Variants in ELAPOR2 observed in about 807,000 individuals in gnomAD.
The protein encoded by ELAPOR2 is endosome-lysosome associated apoptosis and autophagy regulator family member 2, also known as endosome/lysosome-associated apoptosis and autophagy regulator family member 2.
Under a neutral mutation model 120.7 loss-of-function variants are expected in ELAPOR2, and 89 were observed. That is an observed-to-expected ratio of 0.74 (90% CI 0.62 to 0.88). ELAPOR2 has a LOEUF of 0.88. Ranked by LOEUF, ELAPOR2 falls within the 40% of genes least tolerant of loss-of-function variation. The pLI, the probability that ELAPOR2 is intolerant of heterozygous loss-of-function variation, is 0.00. For missense variants in ELAPOR2, 1,134 were observed against 1,251.6 expected (o/e 0.91, Z 1.42); for synonymous variants, 444 against 444.9 (o/e 1.00, Z 0.03).
Position 87,059,626 on chromosome 7 carries a change from C to A in ELAPOR2, c.-113G>T. On this transcript the variant is annotated 5_prime_UTR_variant, in exon 1 of 22. Transcript: ENST00000450689. Reference sequence around the variant, plus strand: ...TGCGCTCGTCTCGCCGCTCCGTCACCCGCTGCCCGTCCGCCCGCTGACAGC... The same window carrying A: ...TGCGCTCGTCTCGCCGCTCCGTCACACGCTGCCCGTCCGCCCGCTGACAGC... 1 of 1,070,158 alleles carries A rather than the reference C, an allele frequency of 9.3e-7. No individual in the cohort carries two copies. 66.3% of individuals were successfully genotyped at this position (1,070,158 alleles called of 1,614,324 possible). A position where few individuals can be genotyped will look rare whatever the true frequency, so the allele number is the denominator to read the frequency against.
chr7:87,043,378 C>A (rs373622595), intron 1 of ELAPOR2, among the ~76,000 whole-genome samples: 5 of 150,778 alleles, frequency 3.3e-5, no homozygotes, highest in East Asian at 1.9e-4. Context: ...TACTGGCAAA[C>A]CGAATCCAGC....
chr7:86,888,195 G>A (rs755576710), intron 21 of ELAPOR2, among the ~76,000 whole-genome samples: 1 of 152,084 alleles, frequency 6.6e-6, no homozygotes, highest in Non-Finnish European at 1.5e-5. Flanking sequence ...GGACAAAGCG[G>A]GGGTACACAC....
At chr7:86,925,493 C>T (rs1228158945) in intron 10 of ELAPOR2, 35 bp downstream of exon 10, 1 of 1,605,660 alleles carries the variant, frequency 6.2e-7, no homozygotes, top group Non-Finnish European at 8.5e-7. Flanking sequence ...GTCTCTATTG[C>T]TGAAATACAT....
intron 1 of ELAPOR2, among the ~76,000 whole-genome samples, chr7:87,043,875 C>T (rs1268752864): frequency 6.6e-6 from 1 of 151,792 alleles, no homozygotes; most frequent in Non-Finnish European, 1.5e-5. Flanking sequence ...TGTCTCAGCC[C>T]AAAATCTCCT....
At chr7:86,899,581 A>C (rs1299032958) in intron 18 of ELAPOR2, among the ~76,000 whole-genome samples, 5 of 152,178 alleles carry the variant, frequency 3.3e-5, no homozygotes. Flanking sequence ...GTAAAATTTC[A>C]TACTGTTAGT....
At chr7:87,057,738 GA>G (rs548230134) in intron 1 of ELAPOR2, among the ~76,000 whole-genome samples, 126 of 152,264 alleles carry the variant, frequency 8.3e-4, no homozygotes, top group African/African-American at 2.8e-3. Flanking sequence ...TCATCTAAAA[GA>G]TTAGTCTAGT....
At chr7:86,941,960 G>T (rs1030272760) in intron 5 of ELAPOR2, 58 bp downstream of exon 5, 2 of 985,720 alleles carry the variant, frequency 2.0e-6, no homozygotes, top group Admixed American at 2.0e-5. Context: ...AGAAAAGGTT[G>T]GGGAAAAAAA....
intron 21 of ELAPOR2, among the ~76,000 whole-genome samples, chr7:86,887,841 C>T (rs1799764999): frequency 6.6e-6 from 1 of 152,062 alleles, no homozygotes; most frequent in South Asian, 2.1e-4. Context: ...TCCTTTTGGC[C>T]ACTTCACAGA....
Position 86,893,115 on chromosome 7 carries a change from A to AC in ELAPOR2, c.2686-16dup. 1 of 1,513,950 alleles carries AC rather than the reference A, an allele frequency of 6.6e-7. No homozygotes were observed. Among genetic ancestry groups the AC allele is most frequent in the Non-Finnish European group, 8.8e-7 (1 of 1,133,804 alleles). The allele number at this position is 1,513,950 out of a possible 1,614,324, so 93.8% of individuals were successfully genotyped here. ...TACAAGGTTTCCTTTAAAAAAAAAA[A>AC]CATAAAACCATAGAAGACATGAGAA... On this transcript the variant is annotated splice_polypyrimidine_tract_variant and intron_variant, in intron 19 of 21. Coordinates refer to ENST00000450689, the MANE Select transcript of ELAPOR2 (RefSeq NM_001142749.3).
intron 1 of ELAPOR2, among the ~76,000 whole-genome samples, chr7:86,985,500 G>A (rs538014591): frequency 1.3e-5 from 2 of 152,154 alleles, no homozygotes; most frequent in Admixed American, 1.3e-4. Context: ...CCACAATCAA[G>A]TTGGCTTCAG....
intron 21 of ELAPOR2, among the ~76,000 whole-genome samples, chr7:86,888,245 T>G (rs1799786041): frequency 6.6e-6 from 1 of 152,090 alleles, no homozygotes; most frequent in African/African-American, 2.4e-5. Flanking sequence ...TTTATCCCTC[T>G]TGCACATGAA....
At chr7:86,921,863 G>A (rs1789848810) in intron 10 of ELAPOR2, among the ~76,000 whole-genome samples, 1 of 151,950 alleles carries the variant, frequency 6.6e-6, no homozygotes, top group Non-Finnish European at 1.5e-5. Context: ...CAATATAAGT[G>A]CCTTAAGGGA....
rs200456152 is a variant in ELAPOR2 at position 86,963,818 on chromosome 7, C to T, written c.310+1086G>A. Among the ~76,000 whole-genome samples the T allele has an allele frequency of 8.5e-5, 13 of 152,270 alleles. 1 individual carries two copies. The East Asian group carries it at 2.5e-3, about 29-fold the overall frequency. On this transcript the variant is annotated intron_variant, in intron 2 of 21. Transcript: ENST00000450689. ...TGCATCAACTTCTTCTATACAGATG[C>T]TCTTGTCTCTTAAGTCTTGTCTCTT...
At chr7:86,964,788 T>C (rs1001129817) in intron 2 of ELAPOR2, 116 bp downstream of exon 2, 3 of 1,050,200 alleles carry the variant, frequency 2.9e-6, no homozygotes, top group Non-Finnish European at 4.1e-6. Context: ...TGGTTATCAA[T>C]GCCATATGCT....
intron 1 of ELAPOR2, among the ~76,000 whole-genome samples, chr7:86,968,785 C>G (rs993527900): frequency 4.6e-5 from 7 of 152,170 alleles, no homozygotes; most frequent in Non-Finnish European, 8.8e-5. Flanking sequence ...TGATATGAGT[C>G]AGAGCACACT....
At chr7:86,954,336 A>G (rs1261975825) in intron 2 of ELAPOR2, among the ~76,000 whole-genome samples, 1 of 152,292 alleles carries the variant, frequency 6.6e-6, no homozygotes, top group East Asian at 1.9e-4. Flanking sequence ...AAGAACATCT[A>G]TTTTTAATCA....
At chr7:87,019,114 T>C (rs912328600) in intron 1 of ELAPOR2, among the ~76,000 whole-genome samples, 7 of 151,980 alleles carry the variant, frequency 4.6e-5, no homozygotes, top group African/African-American at 1.2e-4. Context: ...TAGAAAAAAA[T>C]ATATTTCTAA....
At chr7:86,884,394 C>G (rs1249645199) in intron 21 of ELAPOR2, among the ~76,000 whole-genome samples, 1 of 152,112 alleles carries the variant, frequency 6.6e-6, no homozygotes, top group Non-Finnish European at 1.5e-5. Flanking sequence ...CTACAGTTGA[C>G]CTTTGAACAC....
At chr7:86,881,322 G>T (rs951565796) in intron 21 of ELAPOR2, among the ~76,000 whole-genome samples, 1 of 150,976 alleles carries the variant, frequency 6.6e-6, no homozygotes, top group African/African-American at 2.4e-5. Context: ...TCAGCCTCCC[G>T]AGTAGCTGGG....
Sources: gnomAD v4.1 joint callset for allele counts (sites outside exome capture counted in the v4.1 genomes callset) on GRCh38, gnomAD v4.1.1 for gene constraint, MANE v1.5 for transcripts, NCBI Gene and HGNC (gene_info 2026-07-23, HGNC 2026-07-21) for gene names.